The following COL9A1 variants were observed in gnomAD, a reference collection of about 807,000 sequenced individuals.
COL9A1 encodes collagen type IX alpha 1 chain, also known as collagen alpha-1(IX) chain.
In COL9A1, 104 loss-of-function variants were observed where a neutral mutation model predicts 142.6. That is an observed-to-expected ratio of 0.73 (90% CI 0.62 to 0.86). The LOEUF (loss-of-function observed/expected upper bound fraction) is 0.86. Among genes scored for constraint, COL9A1 ranks in the 40% least tolerant of loss-of-function variants. COL9A1 has a pLI of 0.00. For missense variants in COL9A1, 1,210 were observed against 1,176.6 expected (o/e 1.03, Z -0.42); for synonymous variants, 466 against 396.0 (o/e 1.18, Z -2.10).
chr6:70,258,638 A>T (rs1483222563), intron 20 of COL9A1: 1 of 151,454 alleles, frequency 6.6e-6, no homozygotes, highest in Non-Finnish European at 1.5e-5. Flanking sequence ...TTTGCATTAT[A>T]GACGTGGCTT....
intron 28 of COL9A1, among the ~76,000 whole-genome samples, chr6:70,243,254 TAAA>T (rs2127567224): frequency 6.6e-6 from 1 of 152,348 alleles, no homozygotes; most frequent in Non-Finnish European, 1.5e-5. Context: ...GTTTCTGAAG[TAAA>T]AATTTTTTTC....
intron 28 of COL9A1, among the ~76,000 whole-genome samples, chr6:70,244,700 C>T (rs1770481029): frequency 1.3e-5 from 2 of 152,006 alleles, no homozygotes; most frequent in South Asian, 4.2e-4. Flanking sequence ...TTCCATAAAC[C>T]AAAGGGCTAA....
intron 4 of COL9A1, among the ~76,000 whole-genome samples, chr6:70,298,948 C>T (rs6920909): frequency 2.0e-3 from 299 of 152,132 alleles, no homozygotes; most frequent in African/African-American, 6.9e-3. Flanking sequence ...GGATTCAGTC[C>T]TTCCAGCACA....
chr6:70,278,350 C>T (rs1416945049), intron 10 of COL9A1, among the ~76,000 whole-genome samples: 3 of 152,148 alleles, frequency 2.0e-5, no homozygotes, highest in African/African-American at 7.2e-5. Context: ...GTTATCTTAG[C>T]TACTAAATAG....
chr6:70,224,814 T>C (rs1442521008), intron 37 of COL9A1, among the ~76,000 whole-genome samples: 1 of 152,234 alleles, frequency 6.6e-6, no homozygotes, highest in Non-Finnish European at 1.5e-5. Context: ...TATAAAAATT[T>C]ATCAATATGT....
At chr6:70,285,369 C>A (rs999473356) in intron 5 of COL9A1, among the ~76,000 whole-genome samples, 6 of 152,166 alleles carry the variant, frequency 3.9e-5, no homozygotes, top group Non-Finnish European at 8.8e-5. Context: ...ATATGAATTC[C>A]AATTTGCATG....
At chr6:70,256,912 A>G (rs1383881701) in intron 20 of COL9A1, 91 bp from the exon 21 acceptor site, 1 of 1,244,340 alleles carries the variant, frequency 8.0e-7, no homozygotes, top group Non-Finnish European at 1.2e-6. Context: ...TAATAGCCAG[A>G]TGAAAAGGAG....
intron 15 of COL9A1, 142 bp downstream of exon 15, chr6:70,270,172 T>G (rs757795786): frequency 1.4e-4 from 109 of 766,702 alleles, no homozygotes; most frequent in Non-Finnish European, 2.4e-4. Context: ...AACCATGCCC[T>G]TGAGTGCATG....
At chr6:70,253,578 C>T (rs1354000589) in intron 25 of COL9A1, 149 bp from the exon 26 acceptor site, 2 of 663,292 alleles carry the variant, frequency 3.0e-6, no homozygotes, top group Admixed American at 2.4e-5. Flanking sequence ...TTCCCAAATT[C>T]TGCACAGTCA....
intron 12 of COL9A1, among the ~76,000 whole-genome samples, chr6:70,272,883 T>G (rs1772499661): frequency 6.6e-6 from 1 of 152,148 alleles, no homozygotes; most frequent in South Asian, 2.1e-4. Context: ...TAGATCTCTA[T>G]TCTCTCTCTT....
At chr6:70,227,424 T>TAAAAAA (rs11407353) in intron 36 of COL9A1, among the ~76,000 whole-genome samples, 34 of 50,028 alleles carry the variant, frequency 6.8e-4, no homozygotes, top group African/African-American at 2.0e-3. Context: ...ATGCAAATTG[T>TAAAAAA]AAAAAAAAAA....
At chr6:70,263,730 A>G (rs1190297272) in intron 18 of COL9A1, among the ~76,000 whole-genome samples, 1 of 151,814 alleles carries the variant, frequency 6.6e-6, no homozygotes, top group Non-Finnish European at 1.5e-5. Flanking sequence ...AAGCTACAAT[A>G]TTTTTCATCG....
chr6:70,225,679 T>C (rs1769184638), intron 37 of COL9A1, among the ~76,000 whole-genome samples: 2 of 152,148 alleles, frequency 1.3e-5, no homozygotes. Context: ...TGCCTGGACC[T>C]TGACACTATT....
At chr6:70,272,603 C>G (rs1772480836) in intron 12 of COL9A1, among the ~76,000 whole-genome samples, 1 of 152,204 alleles carries the variant, frequency 6.6e-6, no homozygotes, top group Non-Finnish European at 1.5e-5. Context: ...TTTTCAGACA[C>G]TGAATCCAGT....
chr6:70,262,823 A>T (rs1209993500), intron 19 of COL9A1, among the ~76,000 whole-genome samples: 1 of 152,264 alleles, frequency 6.6e-6, no homozygotes, highest in Non-Finnish European at 1.5e-5. Flanking sequence ...TTAATTAATT[A>T]TAATGATTGC....
chr6:70,277,852 T>G (rs2127594798), intron 10 of COL9A1, among the ~76,000 whole-genome samples: 1 of 152,286 alleles, frequency 6.6e-6, no homozygotes, highest in East Asian at 1.9e-4. Context: ...GACGAAATGA[T>G]TCGAGGTTTA....
chr6:70,285,934 G>A (rs1037644565), intron 5 of COL9A1, among the ~76,000 whole-genome samples: 10 of 151,888 alleles, frequency 6.6e-5, no homozygotes, highest in Middle Eastern at 3.2e-3. Context: ...CTGTTGCCAG[G>A]CTGGAGTGCA....
chr6:70,236,968 T>A (rs1207892662), intron 33 of COL9A1, among the ~76,000 whole-genome samples: 9 of 152,092 alleles, frequency 5.9e-5, no homozygotes, highest in Admixed American at 5.9e-4. Context: ...ATTACAGGCG[T>A]GCGCCATGAC....
chr6:70,235,464 T>C (rs932990910), intron 33 of COL9A1, among the ~76,000 whole-genome samples: 3 of 151,884 alleles, frequency 2.0e-5, no homozygotes, highest in African/African-American at 7.3e-5. Flanking sequence ...AAAATTATAA[T>C]AATAATAATA....
Sources: gnomAD v4.1 joint callset for allele counts (sites outside exome capture counted in the v4.1 genomes callset) on GRCh38, gnomAD v4.1.1 for gene constraint, MANE v1.5 for transcripts, NCBI Gene and HGNC (gene_info 2026-07-23, HGNC 2026-07-21) for gene names.